The following FSTL4 variants were observed in gnomAD, a reference collection of about 807,000 sequenced individuals.
FSTL4 encodes follistatin-related protein 4.
Under a neutral mutation model 78.2 loss-of-function variants are expected in FSTL4, and 28 were observed. That is an observed-to-expected ratio of 0.36 (90% CI 0.27 to 0.49). FSTL4 has a LOEUF of 0.49. Ranked by LOEUF, FSTL4 falls within the 20% of genes least tolerant of loss-of-function variation. The pLI, the probability that FSTL4 is intolerant of heterozygous loss-of-function variation, is 0.98. For synonymous variants in FSTL4, 422 were observed against 440.5 expected (o/e 0.96, Z 0.53); for missense variants, 922 against 1,084.9 (o/e 0.85, Z 2.11).
chr5:133,581,195 C>T (rs1018815341), intron 2 of FSTL4, among the ~76,000 whole-genome samples: 2 of 152,072 alleles, frequency 1.3e-5, no homozygotes, highest in Non-Finnish European at 2.9e-5. Flanking sequence ...ACAATAAGAC[C>T]GTTTTTCAAT....
At chr5:133,243,225 C>T (rs576473416) in intron 7 of FSTL4, among the ~76,000 whole-genome samples, 4 of 150,686 alleles carry the variant, frequency 2.7e-5, no homozygotes, top group South Asian at 2.1e-4. Context: ...CCCCAAATAG[C>T]GAGATTCAGT....
At chr5:133,664,297 T>G in the FSTL4 span, among the ~76,000 whole-genome samples, 2 of 151,036 alleles carry the variant, frequency 1.3e-5, no homozygotes. Flanking sequence ...TGGCGCAGCA[T>G]AGCCTGCTGA....
the FSTL4 span, among the ~76,000 whole-genome samples, chr5:133,710,403 A>G: frequency 6.6e-6 from 1 of 152,310 alleles, no homozygotes; most frequent in African/African-American, 2.4e-5. Context: ...GTTTACACTT[A>G]CTGTCCACTC....
intron 6 of FSTL4, among the ~76,000 whole-genome samples, chr5:133,272,326 C>A (rs979126180): frequency 1.3e-5 from 2 of 152,246 alleles, no homozygotes; most frequent in African/African-American, 4.8e-5. Context: ...TCACTGCATT[C>A]TTAACGCATT....
intron 3 of FSTL4, among the ~76,000 whole-genome samples, chr5:133,529,261 T>C (rs1323004041): frequency 6.6e-6 from 1 of 152,228 alleles, no homozygotes. Context: ...ATAAATGACT[T>C]GCCCAAAATA....
intron 3 of FSTL4, among the ~76,000 whole-genome samples, chr5:133,494,144 A>G (rs1204176836): frequency 6.6e-6 from 1 of 152,206 alleles, no homozygotes; most frequent in Non-Finnish European, 1.5e-5. Context: ...ACAGTTATGG[A>G]TACTGAGGAA....
chr5:133,480,210 C>T (rs1428406805), intron 3 of FSTL4, among the ~76,000 whole-genome samples: 1 of 152,176 alleles, frequency 6.6e-6, no homozygotes, highest in African/African-American at 2.4e-5. Context: ...CTCAGCTCCA[C>T]CACTAACTGG....
chr5:133,409,478 C>T (rs552429254), intron 3 of FSTL4, among the ~76,000 whole-genome samples: 55 of 152,312 alleles, frequency 3.6e-4, no homozygotes, highest in African/African-American at 1.2e-3. Flanking sequence ...AGAGCTTTCC[C>T]CCCAGCCCTC....
At chr5:133,232,746 G>A (rs1168673404) in intron 8 of FSTL4, among the ~76,000 whole-genome samples, 4 of 152,184 alleles carry the variant, frequency 2.6e-5, no homozygotes, top group Non-Finnish European at 4.4e-5. Context: ...ATTAAGATAC[G>A]TGGATGGGAA....
At chr5:133,256,226 T>A (rs1022880092) in intron 6 of FSTL4, among the ~76,000 whole-genome samples, 97 of 152,168 alleles carry the variant, frequency 6.4e-4, no homozygotes, top group African/African-American at 2.0e-3. Context: ...TAGACACATC[T>A]CTCTAACTGC....
chr5:133,407,473 G>C (rs1756388203), intron 3 of FSTL4, among the ~76,000 whole-genome samples: 1 of 152,202 alleles, frequency 6.6e-6, no homozygotes, highest in African/African-American at 2.4e-5. Context: ...TGAAAGACTT[G>C]ACCACATTCT....
At chr5:133,284,944 G>A (rs1039088933) in intron 6 of FSTL4, among the ~76,000 whole-genome samples, 2 of 152,190 alleles carry the variant, frequency 1.3e-5, no homozygotes, top group Non-Finnish European at 2.9e-5. Flanking sequence ...GCTAGGGCAC[G>A]AGACCTAACG....
At chr5:133,202,168 C>G in intron 14 of FSTL4, 126 bp from the exon 15 acceptor site, 1 of 580,284 alleles carries the variant, frequency 1.7e-6, no homozygotes, top group Non-Finnish European at 3.1e-6. Flanking sequence ...ACTAACAAAC[C>G]TCAATCTCAG....
At chr5:133,561,747 G>A (rs192858541) in intron 3 of FSTL4, among the ~76,000 whole-genome samples, 14 of 152,190 alleles carry the variant, frequency 9.2e-5, no homozygotes, top group Admixed American at 5.9e-4. Flanking sequence ...ATTACTATCC[G>A]CATCCTTTTT....
At chr5:133,808,735 G>T in the FSTL4 span, among the ~76,000 whole-genome samples, 1 of 152,050 alleles carries the variant, frequency 6.6e-6, no homozygotes, top group Non-Finnish European at 1.5e-5. Context: ...AGCCAGCTGG[G>T]ATTGCACTCA....
intron 4 of FSTL4, among the ~76,000 whole-genome samples, chr5:133,387,607 C>T (rs1755731787): frequency 6.6e-6 from 1 of 152,164 alleles, no homozygotes; most frequent in South Asian, 2.1e-4. Flanking sequence ...ATGCATTTCT[C>T]TCTAATTGGT....
chr5:133,500,835 C>T (rs1051376316), intron 3 of FSTL4, among the ~76,000 whole-genome samples: 26 of 151,994 alleles, frequency 1.7e-4, no homozygotes, highest in Admixed American at 1.6e-3. Flanking sequence ...CAATTAAATT[C>T]TCCAAAGGAA....
At chr5:133,501,893 T>A (rs1758505516) in intron 3 of FSTL4, among the ~76,000 whole-genome samples, 1 of 151,990 alleles carries the variant, frequency 6.6e-6, no homozygotes, top group African/African-American at 2.4e-5. Context: ...TTACTGTCCT[T>A]ATAAGAAGTG....
intron 6 of FSTL4, among the ~76,000 whole-genome samples, chr5:133,250,186 A>G (rs1242307922): frequency 6.6e-6 from 1 of 152,268 alleles, no homozygotes; most frequent in Non-Finnish European, 1.5e-5. Flanking sequence ...TGCAGAAACT[A>G]TTAATCCTTG....
Sources: gnomAD v4.1 joint callset for allele counts (sites outside exome capture counted in the v4.1 genomes callset) on GRCh38, gnomAD v4.1.1 for gene constraint, MANE v1.5 for transcripts, NCBI Gene and HGNC (gene_info 2026-07-23, HGNC 2026-07-21) for gene names.